ROBO2: variants seen among roughly 807,000 people sequenced by gnomAD.
ROBO2 encodes the protein roundabout guidance receptor 2.
A neutral mutation model predicts 160.8 loss-of-function variants in ROBO2; 53 were observed. The ratio of observed to expected loss-of-function variants is 0.33; its 90% CI spans 0.26 to 0.41. The LOEUF (loss-of-function observed/expected upper bound fraction) is 0.41. Among genes scored for constraint, ROBO2 ranks in the 10% least tolerant of loss-of-function variants. The pLI is 1.00. For synonymous variants in ROBO2, 664 were observed against 611.7 expected (o/e 1.09, Z -1.26); for missense variants, 1,577 against 1,722.4 (o/e 0.92, Z 1.49).
At chr3:76,447,904 A>T (rs1173549403) in intron 2 of ROBO2, among the ~76,000 whole-genome samples, 2 of 46,670 alleles carry the variant, frequency 4.3e-5, no homozygotes, top group East Asian at 6.8e-4. Flanking sequence ...GGGTGGGGGG[A>T]GGGGGGAGGG....
rs114486064 is a variant in ROBO2 at position 77,586,600 on chromosome 3, C to G, written c.2501-2151C>G. 3.5e-3 allele frequency among the ~76,000 whole-genome samples: 527 copies of G among 151,980 alleles called. 3 individuals are homozygous for G. Among genetic ancestry groups the G allele is most frequent in the African/African-American group, 0.012 (504 of 41,496 alleles). ...AACATTGTTTCAAAAATACCAGCAG[C>G]ATAAAAAATAGCAATACACCTTGAG... is the stretch of plus-strand genomic sequence containing the variant. On this transcript the variant is annotated intron_variant, in intron 16 of 25. Transcript: ENST00000461745.
intron 2 of ROBO2, among the ~76,000 whole-genome samples, chr3:77,357,806 G>A (rs1390747259): frequency 6.6e-6 from 1 of 152,110 alleles, no homozygotes; most frequent in Non-Finnish European, 1.5e-5. Context: ...AAATAAAGTA[G>A]GGAAATGGAA....
chr3:76,892,683 T>G (rs530726656), intron 2 of ROBO2, among the ~76,000 whole-genome samples: 2 of 152,202 alleles, frequency 1.3e-5, no homozygotes, highest in Non-Finnish European at 2.9e-5. Flanking sequence ...TCATCTATTC[T>G]TCACCTGAAT....
chr3:76,219,510 G>A (rs1428324011), intron 2 of ROBO2, among the ~76,000 whole-genome samples: 1 of 152,124 alleles, frequency 6.6e-6, no homozygotes, highest in Non-Finnish European at 1.5e-5. Context: ...CAAAAAGTGG[G>A]CGAAGGACAT....
chr3:77,523,038 A>C (rs560751670), intron 6 of ROBO2, 136 bp downstream of exon 6: 2 of 940,430 alleles, frequency 2.1e-6, no homozygotes, highest in Admixed American at 2.0e-5. Context: ...TGTCCTCTCT[A>C]TCATTAGTTG....
At chr3:76,364,854 A>G (rs965754579) in intron 2 of ROBO2, among the ~76,000 whole-genome samples, 1 of 152,056 alleles carries the variant, frequency 6.6e-6, no homozygotes, top group Non-Finnish European at 1.5e-5. Flanking sequence ...TAGAAATTCT[A>G]CTAGGGAGGG....
intron 2 of ROBO2, among the ~76,000 whole-genome samples, chr3:77,282,960 T>TAA (rs71104670): frequency 2.2e-5 from 3 of 134,242 alleles, no homozygotes; most frequent in Non-Finnish European, 4.6e-5. Flanking sequence ...CTTCTGCTTT[T>TAA]AAAAAAAAAA....
chr3:75,999,502 TTA>T (rs1267140786), intron 2 of ROBO2, among the ~76,000 whole-genome samples: 2 of 152,194 alleles, frequency 1.3e-5, no homozygotes, highest in African/African-American at 4.8e-5. Context: ...AATTATAAAA[TTA>T]TTTTTCCTTA....
chr3:77,123,202 G>C (rs1328908497), intron 2 of ROBO2, among the ~76,000 whole-genome samples: 1 of 152,106 alleles, frequency 6.6e-6, no homozygotes, highest in Non-Finnish European at 1.5e-5. Context: ...AAGAAATTTA[G>C]TGTTCTGTGA....
chr3:76,441,516 A>G (rs1383659060), intron 2 of ROBO2, among the ~76,000 whole-genome samples: 1 of 152,234 alleles, frequency 6.6e-6, no homozygotes, highest in African/African-American at 2.4e-5. Flanking sequence ...TCAGGAGAAG[A>G]AGCAGATTGA....
intron 2 of ROBO2, among the ~76,000 whole-genome samples, chr3:76,491,422 A>G (rs4856036): frequency 0.63 from 95,574 of 151,922 alleles, 30,522 homozygotes; most frequent in African/African-American, 0.74. Flanking sequence ...ACAATTAAGT[A>G]GAATGAGAGA....
At chr3:76,896,270 G>A (rs1340788781) in intron 2 of ROBO2, among the ~76,000 whole-genome samples, 1 of 151,990 alleles carries the variant, frequency 6.6e-6, no homozygotes, top group Admixed American at 6.6e-5. Flanking sequence ...TAGCCATAAG[G>A]GTTAAAACTA....
chr3:76,053,185 G>A (rs965962750), intron 2 of ROBO2, among the ~76,000 whole-genome samples: 2 of 151,876 alleles, frequency 1.3e-5, no homozygotes, highest in African/African-American at 4.8e-5. Flanking sequence ...TGCTTTTTAC[G>A]TTAAAGTACA....
At chr3:77,269,898 T>G (rs1444108716) in intron 2 of ROBO2, among the ~76,000 whole-genome samples, 1 of 152,102 alleles carries the variant, frequency 6.6e-6, no homozygotes, top group Non-Finnish European at 1.5e-5. Flanking sequence ...CTTTTAAAAA[T>G]AAACTAAACT....
chr3:77,336,727 C>T (rs1161570677), intron 2 of ROBO2, among the ~76,000 whole-genome samples: 1 of 152,186 alleles, frequency 6.6e-6, no homozygotes, highest in Non-Finnish European at 1.5e-5. Context: ...CTCTGGTTCC[C>T]TGCCTAAGCC....
intron 2 of ROBO2, among the ~76,000 whole-genome samples, chr3:76,636,844 A>G (rs1446344306): frequency 7.6e-6 from 1 of 130,858 alleles, no homozygotes; most frequent in Non-Finnish European, 1.8e-5. Flanking sequence ...AGGCAGGGTG[A>G]CAATAGGTGA....
chr3:77,513,251 T>C (rs535477903), intron 5 of ROBO2, among the ~76,000 whole-genome samples: 1 of 151,962 alleles, frequency 6.6e-6, no homozygotes, highest in South Asian at 2.1e-4. Context: ...CCCTAAATTG[T>C]CTGAATTATA....
chr3:76,361,501 C>T (rs1576663748), intron 2 of ROBO2, among the ~76,000 whole-genome samples: 1 of 152,020 alleles, frequency 6.6e-6, no homozygotes, highest in East Asian at 1.9e-4. Flanking sequence ...AAGAGTAAAA[C>T]AAAAGAAAGC....
In ROBO2 at chr3:76,141,078, A is replaced by ATATATATATATATATATATATATATAT. The variant is rs1559585714; in HGVS notation, c.109+203476_109+203477insTATATATATATATATATATATATATAT. Among the ~76,000 whole-genome samples, 15 of 17,546 alleles carry ATATATATATATATATATATATATATAT rather than the reference A, an allele frequency of 8.5e-4. 2 individuals carry two copies. Among genetic ancestry groups the ATATATATATATATATATATATATATAT allele is most frequent in the African/African-American group, 2.1e-3 (13 of 6,170 alleles). The allele number at this position is 17,546 out of a possible 152,430, so 11.5% of individuals were successfully genotyped here. A position where few individuals can be genotyped will look rare whatever the true frequency, so the allele number is the denominator to read the frequency against. On this transcript the variant is annotated intron_variant, in intron 2 of 26. Transcript: ENST00000487694. ...TTACATACATATATATATATATATAAAATATATGTGCCTGGGTTTATAGGT... is the reference window on the plus strand; with the variant it reads ...TTACATACATATATATATATATATAATATATATATATATATATATATATATATAATATATGTGCCTGGGTTTATAGGT...
Sources: allele counts gnomAD v4.1 joint callset (sites outside exome capture counted in the v4.1 genomes callset), GRCh38; gene constraint gnomAD v4.1.1; transcripts MANE v1.5; gene names NCBI Gene and HGNC (gene_info 2026-07-23, HGNC 2026-07-21).